The following C2orf49 variants were observed in gnomAD, a reference collection of about 807,000 sequenced individuals.
C2orf49 encodes tRNA-splicing ligase complex subunit ASW.
A neutral mutation model predicts 20.6 loss-of-function variants in C2orf49; 11 were observed. The ratio of observed to expected loss-of-function variants is 0.53; its 90% CI spans 0.34 to 0.88. The LOEUF is 0.88. Ranked by LOEUF, C2orf49 falls within the 40% of genes least tolerant of loss-of-function variation. The probability of loss-of-function intolerance (pLI) is 0.02; values close to 1 mark genes in which losing one functional copy is unlikely to be tolerated. For synonymous variants in C2orf49, 134 were observed against 108.5 expected (o/e 1.24, Z -1.46); for missense variants, 289 against 274.2 (o/e 1.05, Z -0.38).
chr2:105,356,067 G>A, the C2orf49 span, among the ~76,000 whole-genome samples: 1 of 152,028 alleles, frequency 6.6e-6, no homozygotes, highest in Non-Finnish European at 1.5e-5. Context: ...GCAACATAGT[G>A]AGACCTCATC....
rs751436504 is a variant in C2orf49, at chr2:105,343,046, T to G, written c.465T>G (p.Ser155=). ...CGAGTGTTTCACCCCTAATTTTGTC[T>G]TCCAATTTGCCTGTGAACAATAAAA... ...SSSSVSPLIL[S]SNLPVNNKTE... The change falls in exon 3 of 4, where the codon TCT becomes TCG. Residue 155 remains serine (S), a synonymous_variant. Coordinates refer to ENST00000258457, the MANE Select transcript of C2orf49 (RefSeq NM_024093.3). 2.5e-6 allele frequency: 4 copies of G among 1,614,238 alleles called. No homozygotes were observed. The highest frequency in any genetic ancestry group is 1.7e-6 in the Non-Finnish European group (2 of 1,180,042).
chr2:105,365,673 A>G, the C2orf49 span, among the ~76,000 whole-genome samples: 4 of 146,608 alleles, frequency 2.7e-5, no homozygotes, highest in Non-Finnish European at 6.0e-5. Context: ...CGTCTCTACT[A>G]CAAAAAAAAA....
the C2orf49 span, among the ~76,000 whole-genome samples, chr2:105,366,683 T>C: frequency 6.6e-6 from 1 of 152,218 alleles, no homozygotes; most frequent in Non-Finnish European, 1.5e-5. Flanking sequence ...TTCCCTTTCT[T>C]TCTTTAACCC....
chr2:105,366,724 T>G, the C2orf49 span, among the ~76,000 whole-genome samples: 2 of 152,196 alleles, frequency 1.3e-5, no homozygotes, highest in Non-Finnish European at 2.9e-5. Flanking sequence ...TAGCACATTA[T>G]CGAGTAGATA....
At chr2:105,351,681 T>C (rs2104461026), downstream of C2orf49, among the ~76,000 whole-genome samples, 1 of 151,214 alleles carries the variant, frequency 6.6e-6, no homozygotes, top group East Asian at 1.9e-4. Context: ...TCTGGTATTA[T>C]AGGATGCTCT....
At chr2:105,368,521 C>G in the C2orf49 span, among the ~76,000 whole-genome samples, 2 of 152,104 alleles carry the variant, frequency 1.3e-5, no homozygotes, top group Non-Finnish European at 2.9e-5. Flanking sequence ...CTTGTACATC[C>G]CATTTAGTAA....
the C2orf49 span, among the ~76,000 whole-genome samples, chr2:105,364,615 A>G: frequency 1.3e-5 from 2 of 152,212 alleles, no homozygotes; most frequent in African/African-American, 4.8e-5. Flanking sequence ...TGAGTAAGCT[A>G]TCAGAGAGGA....
chr2:105,352,429 G>GTTTTTTTTTTTTTTTTTTTTTTGGT (rs61585149), downstream of C2orf49, among the ~76,000 whole-genome samples: 11 of 80,754 alleles, frequency 1.4e-4, no homozygotes, highest in Admixed American at 1.9e-4. Context: ...GTTTGTTTGG[G>GTTTTTTTTTTTTTTTTTTTTTTGGT]TTTTTTTTTT....
At chr2:105,352,429 G>GTTTTTTTTTTTTTTTTTTTTTGTT (rs61585149), downstream of C2orf49, among the ~76,000 whole-genome samples, 15 of 80,764 alleles carry the variant, frequency 1.9e-4, no homozygotes, top group Admixed American at 3.8e-4. Context: ...GTTTGTTTGG[G>GTTTTTTTTTTTTTTTTTTTTTGTT]TTTTTTTTTT....
the C2orf49 span, among the ~76,000 whole-genome samples, chr2:105,370,941 T>C: frequency 6.6e-6 from 1 of 152,112 alleles, no homozygotes; most frequent in African/African-American, 2.4e-5. Context: ...TGTAGCTGTG[T>C]TGTTATTATT....
the C2orf49 span, chr2:105,373,672 T>C: frequency 5.0e-6 from 8 of 1,613,774 alleles, no homozygotes; most frequent in Non-Finnish European, 6.8e-6. Context: ...CACCAGTGAG[T>C]TTCTGCACTG....
At chr2:105,350,903 G>A (rs191140103), downstream of C2orf49, among the ~76,000 whole-genome samples, 352 of 151,818 alleles carry the variant, frequency 2.3e-3, 3 homozygotes, top group African/African-American at 7.8e-3. Context: ...AATTTTTTTC[G>A]ATTTTCTGAG....
At chr2:105,361,572 G>A in the C2orf49 span, 2 of 686,846 alleles carry the variant, frequency 2.9e-6, no homozygotes, top group Non-Finnish European at 4.8e-6. Flanking sequence ...GTGACTGGGT[G>A]TTGGGAATCC....
the C2orf49 span, chr2:105,373,961 T>G: frequency 1.8e-6 from 1 of 567,886 alleles, no homozygotes; most frequent in Non-Finnish European, 3.2e-6. Flanking sequence ...CAGATGTGCA[T>G]GTATGCACAT....
Position 105,342,885 on chromosome 2 carries a change from A to G in C2orf49, c.304A>G (p.Ile102Val), listed in dbSNP as rs1191522205. The G allele has an allele frequency of 4.3e-6, 7 of 1,614,168 alleles. No individual in the cohort carries two copies. The highest frequency in any genetic ancestry group is 1.6e-4 in the Middle Eastern group (1 of 6,062). The change falls in exon 3 of 4, where the codon ATC becomes GTC. Residue 102 changes from isoleucine (I) to valine (V), a missense_variant. Physicochemically the swap from Ile to Val is conservative, Grantham distance 29 (BLOSUM62 3). Transcript: ENST00000258457. ...TVDGLRKRPLIVFDGSSTSTS... is the reference protein window; with the variant it reads ...TVDGLRKRPLVVFDGSSTSTS... Reference sequence around the variant, plus strand: ...AGATGGGTTAAGGAAAAGACCCCTCATCGTATTTGATGGAAGTTCAACAAG... The same window carrying G: ...AGATGGGTTAAGGAAAAGACCCCTCGTCGTATTTGATGGAAGTTCAACAAG...
chr2:105,354,434 G>T, the C2orf49 span, among the ~76,000 whole-genome samples: 31,997 of 152,018 alleles, frequency 0.21, 4,302 homozygotes, highest in East Asian at 0.54. Flanking sequence ...GGAGGCCGAG[G>T]TGGGCTGGTA....
the C2orf49 span, chr2:105,363,483 AG>A: frequency 6.3e-7 from 1 of 1,596,594 alleles, no homozygotes; most frequent in South Asian, 1.1e-5. Flanking sequence ...TGCAGGGACG[AG>A]GGGGAGAGTT....
intron 1 of C2orf49, among the ~76,000 whole-genome samples, chr2:105,338,224 C>T (rs1178340581): frequency 1.3e-5 from 2 of 152,096 alleles, no homozygotes; most frequent in Non-Finnish European, 2.9e-5. Context: ...GCTGGTGTGG[C>T]CTCTGATAAT....
the C2orf49 span, among the ~76,000 whole-genome samples, chr2:105,362,105 T>G: frequency 6.6e-6 from 1 of 152,240 alleles, no homozygotes; most frequent in Non-Finnish European, 1.5e-5. Context: ...TTTATATAGA[T>G]TGTATCACTT....
Sources: gnomAD v4.1 joint callset for allele counts (sites outside exome capture counted in the v4.1 genomes callset) on GRCh38, gnomAD v4.1.1 for gene constraint, MANE v1.5 for transcripts, NCBI Gene and HGNC (gene_info 2026-07-23, HGNC 2026-07-21) for gene names.